THSD4: variants seen among roughly 807,000 people sequenced by gnomAD.
THSD4 encodes thrombospondin type 1 domain containing 4.
Under a neutral mutation model 119.0 loss-of-function variants are expected in THSD4, and 69 were observed. The ratio of observed to expected loss-of-function variants is 0.58; its 90% CI spans 0.48 to 0.71. The LOEUF (loss-of-function observed/expected upper bound fraction) is 0.71, where lower values mean the gene tolerates loss of function less well. Among genes scored for constraint, THSD4 ranks in the 30% least tolerant of loss-of-function variants. The pLI is 0.00. For synonymous variants in THSD4, 524 were observed against 540.4 expected (o/e 0.97, Z 0.42); for missense variants, 1,393 against 1,391.1 (o/e 1.00, Z -0.02).
At chr15:71,386,969 A>C (rs138205774) in intron 6 of THSD4, among the ~76,000 whole-genome samples, 2 of 152,218 alleles carry the variant, frequency 1.3e-5, no homozygotes, top group Non-Finnish European at 2.9e-5. Flanking sequence ...TTTGCATTAC[A>C]CTGCTTGCTA....
At chr15:71,667,012 A>C (rs956303127) in intron 8 of THSD4, among the ~76,000 whole-genome samples, 1 of 152,220 alleles carries the variant, frequency 6.6e-6, no homozygotes, top group Admixed American at 6.5e-5. Context: ...TTAATGGTGC[A>C]CATATTTCAG....
At chr15:71,623,340 C>T (rs1184914287) in intron 7 of THSD4, among the ~76,000 whole-genome samples, 2 of 152,176 alleles carry the variant, frequency 1.3e-5, no homozygotes, top group African/African-American at 4.8e-5. Context: ...AGATTATACT[C>T]TTTAATCATC....
chr15:71,274,248 C>G (rs771283950), intron 6 of THSD4, among the ~76,000 whole-genome samples: 1 of 152,212 alleles, frequency 6.6e-6, no homozygotes, highest in Non-Finnish European at 1.5e-5. Flanking sequence ...CCACCTGGCT[C>G]ATCAACTGTC....
At chr15:71,101,739 A>C (rs1371493482) in intron 1 of THSD4, among the ~76,000 whole-genome samples, 1 of 150,092 alleles carries the variant, frequency 6.7e-6, no homozygotes, top group Non-Finnish European at 1.5e-5. Context: ...TTTGAGACAG[A>C]GTCTCACTCT....
intron 6 of THSD4, among the ~76,000 whole-genome samples, chr15:71,322,883 G>A (rs1434670418): frequency 6.6e-6 from 1 of 152,046 alleles, no homozygotes; most frequent in East Asian, 1.9e-4. Flanking sequence ...GATCACTTGA[G>A]CCCAGGAGTT....
chr15:71,199,699 G>GT (rs2043766816), intron 3 of THSD4, among the ~76,000 whole-genome samples: 2 of 56,206 alleles, frequency 3.6e-5, no homozygotes, highest in African/African-American at 1.2e-4. Context: ...TGGTGTGTGT[G>GT]GTGTCTGGGT....
intron 7 of THSD4, among the ~76,000 whole-genome samples, chr15:71,414,197 T>C (rs2046727281): frequency 1.3e-5 from 2 of 152,270 alleles, no homozygotes; most frequent in Admixed American, 1.3e-4. Context: ...ACGTCCTGTG[T>C]TGCGGTGAAG....
chr15:71,459,452 A>G (rs1210984659), intron 7 of THSD4, among the ~76,000 whole-genome samples: 1 of 150,630 alleles, frequency 6.6e-6, no homozygotes, highest in East Asian at 1.9e-4. Context: ...CTGGTCACCC[A>G]GCAAAAAGGC....
At chr15:71,267,956 A>G (rs2044482301) in intron 6 of THSD4, among the ~76,000 whole-genome samples, 1 of 152,238 alleles carries the variant, frequency 6.6e-6, no homozygotes, top group South Asian at 2.1e-4. Flanking sequence ...CCAGATTCAT[A>G]AAACAACTTC....
intron 6 of THSD4, among the ~76,000 whole-genome samples, chr15:71,298,935 C>A (rs905546855): frequency 1.3e-5 from 2 of 152,172 alleles, no homozygotes; most frequent in Non-Finnish European, 2.9e-5. Flanking sequence ...TTATTTCAAT[C>A]ACCTCAATGG....
chr15:71,560,834 C>A (rs940198229), intron 7 of THSD4, among the ~76,000 whole-genome samples: 1 of 152,096 alleles, frequency 6.6e-6, no homozygotes, highest in Non-Finnish European at 1.5e-5. Flanking sequence ...ATATCATAAA[C>A]CCCTTGAATA....
At chr15:71,336,262 G>T (rs934979144) in intron 6 of THSD4, among the ~76,000 whole-genome samples, 6 of 152,180 alleles carry the variant, frequency 3.9e-5, no homozygotes, top group Non-Finnish European at 7.3e-5. Context: ...AGGGCCCAAA[G>T]ATACAGGGAA....
chr15:71,726,676 G>A (rs779301966), intron 8 of THSD4, among the ~76,000 whole-genome samples: 1 of 152,136 alleles, frequency 6.6e-6, no homozygotes, highest in African/African-American at 2.4e-5. Context: ...AGTGGCTCAC[G>A]CCTGTAATCC....
intron 6 of THSD4, among the ~76,000 whole-genome samples, chr15:71,277,870 G>A (rs944478693): frequency 3.3e-5 from 5 of 152,338 alleles, no homozygotes; most frequent in Middle Eastern, 3.4e-3. Context: ...GGCACATACA[G>A]TATTCTGTAG....
At chr15:71,413,726 A>C (rs1423123454) in intron 7 of THSD4, among the ~76,000 whole-genome samples, 2 of 152,214 alleles carry the variant, frequency 1.3e-5, no homozygotes, top group African/African-American at 4.8e-5. Context: ...CAAACCCTGA[A>C]AGAATTAGGA....
At chr15:71,317,067 ATAG>A (rs1209532890) in intron 6 of THSD4, among the ~76,000 whole-genome samples, 2 of 152,212 alleles carry the variant, frequency 1.3e-5, no homozygotes, top group African/African-American at 4.8e-5. Flanking sequence ...TTGTATAATA[ATAG>A]TCTGAATAAA....
intron 7 of THSD4, among the ~76,000 whole-genome samples, chr15:71,651,944 G>A (rs988287554): frequency 8.5e-5 from 13 of 152,296 alleles, no homozygotes; most frequent in Non-Finnish European, 1.6e-4. Context: ...AGATGCCGGC[G>A]TGAATCTCCA....
intron 6 of THSD4, among the ~76,000 whole-genome samples, chr15:71,332,876 A>C (rs2045440293): frequency 1.9e-5 from 1 of 52,466 alleles, no homozygotes; most frequent in African/African-American, 5.1e-5. Context: ...TTCTTAAAAC[A>C]TTGAGATTTT....
chr15:71,125,694 G>T (rs184608365), intron 1 of THSD4, among the ~76,000 whole-genome samples: 5 of 152,330 alleles, frequency 3.3e-5, no homozygotes, highest in East Asian at 1.9e-4. Context: ...CAGTCAGGAG[G>T]GGGGCGCCAG....
Sources: gnomAD v4.1 joint callset for allele counts (sites outside exome capture counted in the v4.1 genomes callset) on GRCh38, gnomAD v4.1.1 for gene constraint, MANE v1.5 for transcripts, NCBI Gene and HGNC (gene_info 2026-07-23, HGNC 2026-07-21) for gene names.